Variants in MEIS2 observed in about 807,000 individuals in gnomAD.
MEIS2 encodes homeobox protein Meis2.
A neutral mutation model predicts 58.6 loss-of-function variants in MEIS2; 9 were observed. That is an observed-to-expected ratio of 0.15 (90% CI 0.09 to 0.27). MEIS2 has a LOEUF of 0.27. Among genes scored for constraint, MEIS2 ranks in the 10% least tolerant of loss-of-function variants. MEIS2 has a pLI of 1.00. For synonymous variants in MEIS2, 221 were observed against 228.4 expected (o/e 0.97, Z 0.29); for missense variants, 427 against 635.0 (o/e 0.67, Z 3.52).
intron 7 of MEIS2, among the ~76,000 whole-genome samples, chr15:37,072,159 G>A (rs1374831228): frequency 2.0e-5 from 3 of 151,996 alleles, no homozygotes; most frequent in Non-Finnish European, 4.4e-5. Flanking sequence ...TCTCTCAAAT[G>A]TATTCTCCAC....
chr15:36,948,377 T>C lies in MEIS2; in HGVS notation c.977+1947A>G, dbSNP rs760536346. On this transcript the variant is annotated intron_variant, in intron 9 of 11. Coordinates refer to ENST00000561208, the MANE Select transcript of MEIS2 (RefSeq NM_170675.5). ...TTTCCAGTTCCAGCCAGGTGTCTAATTGTGGGAAATGCTAGATTGTAGATT... is the reference window on the plus strand; with the variant it reads ...TTTCCAGTTCCAGCCAGGTGTCTAACTGTGGGAAATGCTAGATTGTAGATT... 3.7e-4 allele frequency among the ~76,000 whole-genome samples: 57 copies of C among 152,070 alleles called. 1 individual carries two copies. Among genetic ancestry groups the C allele is most frequent in the Middle Eastern group, 3.4e-3 (1 of 294 alleles).
At chr15:37,050,814 C>G (rs1026621071) in intron 7 of MEIS2, 2 of 152,138 alleles carry the variant, frequency 1.3e-5, no homozygotes, top group African/African-American at 4.8e-5. Flanking sequence ...AGATCTATTT[C>G]TTATTTATAT....
intron 8 of MEIS2, among the ~76,000 whole-genome samples, chr15:36,968,447 G>T (rs1595833044): frequency 6.6e-6 from 1 of 152,266 alleles, no homozygotes; most frequent in South Asian, 2.1e-4. Flanking sequence ...AGCCTGAATT[G>T]CTGAGAAGCT....
chr15:37,040,020 A>T (rs1301130866), intron 7 of MEIS2, among the ~76,000 whole-genome samples: 1 of 151,296 alleles, frequency 6.6e-6, no homozygotes, highest in Non-Finnish European at 1.5e-5. Flanking sequence ...CTGATGCTAG[A>T]GTTAGTAACT....
chr15:36,896,729 G>A (rs372586093), intron 9 of MEIS2, 43 bp from the exon 10 acceptor site: 24 of 1,530,206 alleles, frequency 1.6e-5, no homozygotes, highest in Non-Finnish European at 1.7e-5. Context: ...CTCCGTTTCT[G>A]TACTCTGCGA....
intron 9 of MEIS2, among the ~76,000 whole-genome samples, chr15:36,941,079 C>A (rs2058357658): frequency 6.6e-6 from 1 of 152,128 alleles, no homozygotes; most frequent in Non-Finnish European, 1.5e-5. Flanking sequence ...CTAACACAAA[C>A]ACGGAAACAC....
At chr15:36,996,001 A>ATATATATGTGTGTGTGTGTGTGTGTGTG (rs1555446465) in intron 8 of MEIS2, among the ~76,000 whole-genome samples, 2 of 102,880 alleles carry the variant, frequency 1.9e-5, no homozygotes, top group African/African-American at 6.5e-5. Context: ...ATATATATAT[A>ATATATATGTGTGTGTGTGTGTGTGTGTG]TGTATATATA....
intron 7 of MEIS2, among the ~76,000 whole-genome samples, chr15:37,066,706 C>A (rs538973435): frequency 6.6e-6 from 1 of 152,128 alleles, no homozygotes. Flanking sequence ...TTAGAAATCC[C>A]CTAACATCCT....
At chr15:37,021,207 C>T (rs2141674490) in intron 8 of MEIS2, among the ~76,000 whole-genome samples, 1 of 152,330 alleles carries the variant, frequency 6.6e-6, no homozygotes, top group Non-Finnish European at 1.5e-5. Flanking sequence ...TTACCAGTAC[C>T]TCTGGAATTA....
At chr15:36,971,005 T>A (rs566150637) in intron 8 of MEIS2, among the ~76,000 whole-genome samples, 534 of 151,780 alleles carry the variant, frequency 3.5e-3, no homozygotes, top group Non-Finnish European at 5.4e-3. Context: ...TTAGAAGTTT[T>A]AATTTTCCCA....
At chr15:37,002,606 G>C (rs1410144468) in intron 8 of MEIS2, among the ~76,000 whole-genome samples, 2 of 151,784 alleles carry the variant, frequency 1.3e-5, no homozygotes, top group African/African-American at 2.4e-5. Context: ...CAACATTTTG[G>C]TTTAAGTGAT....
At chr15:37,095,842 G>A in intron 3 of MEIS2, 2 of 604,230 alleles carry the variant, frequency 3.3e-6, no homozygotes, top group Non-Finnish European at 5.7e-6. Context: ...CTGTAGCCAG[G>A]AACTCAGGGT....
At chr15:36,920,306 C>T (rs927049697) in intron 9 of MEIS2, among the ~76,000 whole-genome samples, 7 of 152,230 alleles carry the variant, frequency 4.6e-5, no homozygotes, top group Admixed American at 1.3e-4. Flanking sequence ...TGCGCCACCA[C>T]GCCCGGCTAG....
rs199770460 is a variant in MEIS2 at position 36,968,021 on chromosome 15, G to A, written c.901-17621C>T. ...AAGAGTGTGGTGTCACAAAGTGGAA[G>A]AAACTTTACATGCTGAGCTTGTATA... On this transcript the variant is annotated intron_variant, in intron 8 of 11. Coordinates refer to ENST00000561208, the MANE Select transcript of MEIS2 (RefSeq NM_170675.5). Among the ~76,000 whole-genome samples the A allele has an allele frequency of 2.6e-5, 4 of 152,324 alleles. No homozygotes were observed. The East Asian group carries it at 5.8e-4, about 22-fold the overall frequency.
intron 7 of MEIS2, among the ~76,000 whole-genome samples, chr15:37,071,300 G>A (rs1890675352): frequency 6.6e-6 from 1 of 152,030 alleles, no homozygotes; most frequent in African/African-American, 2.4e-5. Flanking sequence ...GTAGCACCAG[G>A]GGAACCTCGT....
intron 8 of MEIS2, among the ~76,000 whole-genome samples, chr15:36,953,044 C>T (rs1218330702): frequency 6.6e-6 from 1 of 152,048 alleles, no homozygotes; most frequent in African/African-American, 2.4e-5. Context: ...TTTGAACATT[C>T]ATGATTCCAT....
intron 7 of MEIS2, among the ~76,000 whole-genome samples, chr15:37,045,101 T>A (rs1410024708): frequency 6.6e-6 from 1 of 152,190 alleles, no homozygotes; most frequent in Admixed American, 6.5e-5. Flanking sequence ...GCAGAGATGA[T>A]GTGAGACACA....
In MEIS2 at chr15:37,092,553, G is replaced by C. The variant is rs536362890; in HGVS notation, c.639+1028C>G. Among the ~76,000 whole-genome samples the C allele has an allele frequency of 2.0e-5, 3 of 151,942 alleles. No homozygotes were observed. In the South Asian group the frequency reaches 6.2e-4, roughly 32 times the overall value. ...ACTGAATGTAATCTATAGACACCCT[G>C]TCCCCCATTTCCAGGCTTGAGTTCC... On this transcript the variant is annotated intron_variant, in intron 6 of 11. Coordinates refer to ENST00000561208, the MANE Select transcript of MEIS2 (RefSeq NM_170675.5).
chr15:36,950,503 T>A, intron 8 of MEIS2, 103 bp from the exon 9 acceptor site: 3 of 1,080,018 alleles, frequency 2.8e-6, no homozygotes, highest in Non-Finnish European at 4.1e-6. Context: ...AGTCTATGGC[T>A]TGATTTTCCT....
Sources: allele counts gnomAD v4.1 joint callset (sites outside exome capture counted in the v4.1 genomes callset), GRCh38; gene constraint gnomAD v4.1.1; transcripts MANE v1.5; gene names NCBI Gene and HGNC (gene_info 2026-07-23, HGNC 2026-07-21).